Variants in MYO1E observed in about 807,000 individuals in gnomAD.
MYO1E encodes the protein unconventional myosin-Ie.
A neutral mutation model predicts 151.1 loss-of-function variants in MYO1E; 68 were observed. The observed-to-expected ratio is 0.45, with a 90% CI of 0.37 to 0.55. The LOEUF (loss-of-function observed/expected upper bound fraction) is 0.55. Among genes scored for constraint, MYO1E ranks in the 20% least tolerant of loss-of-function variants. The pLI is 0.00. For missense variants in MYO1E, 1,363 were observed against 1,389.3 expected (o/e 0.98, Z 0.30); for synonymous variants, 601 against 501.7 (o/e 1.20, Z -2.64).
chr15:59,185,866 G>A lies in MYO1E; in HGVS notation c.1904+2252C>T, dbSNP rs185356991. ...CACTACTGGCATCTAGTGGGTGGAG[G>A]CCAAGAAGGCTGCTAAACATCCCAC... On this transcript the variant is annotated intron_variant, in intron 18 of 27. Transcript: ENST00000288235. Among the ~76,000 whole-genome samples, 33 of 152,278 alleles carry A rather than the reference G, an allele frequency of 2.2e-4. No individual in the cohort carries two copies. The East Asian group carries it at 6.4e-3, about 29-fold the overall frequency.
At chr15:59,188,920 G>C (rs2079716046) in intron 17 of MYO1E, among the ~76,000 whole-genome samples, 1 of 152,038 alleles carries the variant, frequency 6.6e-6, no homozygotes, top group African/African-American at 2.4e-5. Flanking sequence ...TTTTAATATT[G>C]ATTATGACTT....
chr15:59,244,546 G>A (rs1437657732), intron 4 of MYO1E, among the ~76,000 whole-genome samples: 2 of 152,132 alleles, frequency 1.3e-5, no homozygotes, highest in Non-Finnish European at 2.9e-5. Flanking sequence ...TCACCCCAGA[G>A]GTCTTTCCAC....
chr15:59,357,163 C>T (rs1435729533), intron 1 of MYO1E, among the ~76,000 whole-genome samples: 3 of 152,048 alleles, frequency 2.0e-5, no homozygotes, highest in Non-Finnish European at 2.9e-5. Context: ...ACCTCAGCCT[C>T]TCAAAGTGCT....
At chr15:59,353,150 A>T (rs1161011514) in intron 1 of MYO1E, among the ~76,000 whole-genome samples, 1 of 152,154 alleles carries the variant, frequency 6.6e-6, no homozygotes, top group Non-Finnish European at 1.5e-5. Flanking sequence ...GTCCTAGCAC[A>T]TTACAAAGTT....
At chr15:59,207,026 G>T (rs1457912862) in intron 14 of MYO1E, 2 of 1,614,096 alleles carry the variant, frequency 1.2e-6, no homozygotes, top group South Asian at 1.1e-5. Context: ...ATGGCCCTGT[G>T]TCCGCGTCAA....
At chr15:59,352,663 G>A (rs1356222624) in intron 1 of MYO1E, among the ~76,000 whole-genome samples, 2 of 152,176 alleles carry the variant, frequency 1.3e-5, no homozygotes, top group Non-Finnish European at 2.9e-5. Flanking sequence ...GTACTTTAAA[G>A]TAGATACAAA....
chr15:59,299,144 T>C (rs1232625271), intron 1 of MYO1E, among the ~76,000 whole-genome samples: 2 of 152,200 alleles, frequency 1.3e-5, no homozygotes, highest in Non-Finnish European at 2.9e-5. Context: ...TAAAGGTATG[T>C]GTGTAGGTTC....
At chr15:59,305,397 G>A (rs1465853477) in intron 1 of MYO1E, among the ~76,000 whole-genome samples, 3 of 152,042 alleles carry the variant, frequency 2.0e-5, no homozygotes, top group African/African-American at 7.2e-5. Context: ...GTTTTGCCAT[G>A]TTGCCCAGGC....
At chr15:59,141,029 C>G (rs987459707) in intron 26 of MYO1E, among the ~76,000 whole-genome samples, 1 of 152,180 alleles carries the variant, frequency 6.6e-6, no homozygotes, top group Non-Finnish European at 1.5e-5. Flanking sequence ...GTTGGCCAGG[C>G]GAGCAGGTTT....
intron 5 of MYO1E, among the ~76,000 whole-genome samples, chr15:59,233,684 AAG>A (rs1491548025): frequency 5.3e-5 from 8 of 150,016 alleles, no homozygotes; most frequent in Non-Finnish European, 1.2e-4. Flanking sequence ...AAAAAAAAAA[AAG>A]GCAGCAAAAC....
Position 59,335,490 on chromosome 15 carries a change from C to A in MYO1E, c.3+37008G>T, listed in dbSNP as rs151180651. ...TGTTTTCTGCATCAATAAATCTGTGCCGAATATGAATAAAAAAAAAACCCA... is the reference window on the plus strand; with the variant it reads ...TGTTTTCTGCATCAATAAATCTGTGACGAATATGAATAAAAAAAAAACCCA... On this transcript the variant is annotated intron_variant, in intron 1 of 27. Transcript: ENST00000288235. Among the ~76,000 whole-genome samples the A allele has an allele frequency of 7.1e-3, 1,081 of 152,088 alleles. 13 individuals are homozygous for A. The highest frequency in any genetic ancestry group is 0.024 in the African/African-American group (1,016 of 41,472).
At chr15:59,175,643 A>T (rs1374480834) in intron 19 of MYO1E, among the ~76,000 whole-genome samples, 9 of 152,234 alleles carry the variant, frequency 5.9e-5, no homozygotes, top group African/African-American at 2.2e-4. Flanking sequence ...TTAAAATCTG[A>T]GCCCTGCAGT....
chr15:59,328,914 A>G (rs577696948), intron 1 of MYO1E, among the ~76,000 whole-genome samples: 1 of 152,166 alleles, frequency 6.6e-6, no homozygotes, highest in Non-Finnish European at 1.5e-5. Context: ...ATTTACAGAC[A>G]AGGAAACTAG....
intron 9 of MYO1E, among the ~76,000 whole-genome samples, chr15:59,222,703 A>G (rs533011555): frequency 6.6e-6 from 1 of 152,362 alleles, no homozygotes; most frequent in Admixed American, 6.5e-5. Context: ...AGGTTTTGAT[A>G]AAGACAATAA....
chr15:59,339,372 A>G (rs749927260), intron 1 of MYO1E, among the ~76,000 whole-genome samples: 10 of 152,142 alleles, frequency 6.6e-5, no homozygotes, highest in Non-Finnish European at 1.2e-4. Context: ...CTGGTTTCCA[A>G]ATGGAGACAG....
intron 1 of MYO1E, among the ~76,000 whole-genome samples, chr15:59,324,672 C>G (rs928689002): frequency 4.0e-5 from 6 of 151,420 alleles, no homozygotes; most frequent in South Asian, 2.1e-4. Context: ...AGCCCCCCCC[C>G]CACAGAGGGC....
At chr15:59,231,062 A>G (rs1458083673) in intron 6 of MYO1E, among the ~76,000 whole-genome samples, 1 of 152,234 alleles carries the variant, frequency 6.6e-6, no homozygotes, top group Non-Finnish European at 1.5e-5. Context: ...ATGAGCATTC[A>G]TAACAATGCA....
At chr15:59,150,932 G>A (rs1037994258) in intron 26 of MYO1E, among the ~76,000 whole-genome samples, 8 of 151,788 alleles carry the variant, frequency 5.3e-5, no homozygotes, top group Non-Finnish European at 7.4e-5. Flanking sequence ...AGCCAATCAC[G>A]TGAACCACGG....
At chr15:59,150,240 T>A (rs2079467820) in intron 26 of MYO1E, among the ~76,000 whole-genome samples, 1 of 152,182 alleles carries the variant, frequency 6.6e-6, no homozygotes, top group Non-Finnish European at 1.5e-5. Flanking sequence ...TGTGAAGGTG[T>A]CCTCTCCTTC....
Sources: gnomAD v4.1 joint callset for allele counts (sites outside exome capture counted in the v4.1 genomes callset) on GRCh38, gnomAD v4.1.1 for gene constraint, MANE v1.5 for transcripts, NCBI Gene and HGNC (gene_info 2026-07-23, HGNC 2026-07-21) for gene names.